Variants in NLGN4Y observed in about 807,000 individuals in gnomAD.
The protein encoded by NLGN4Y is neuroligin-4, Y-linked.
Under a neutral mutation model 8.4 loss-of-function variants are expected in NLGN4Y, and 4 were observed. That is an observed-to-expected ratio of 0.48 (90% CI 0.23 to 1.09). NLGN4Y has a LOEUF of 1.09. Ranked by LOEUF, NLGN4Y falls within the 50% of genes least tolerant of loss-of-function variation. The pLI is 0.19. For synonymous variants in NLGN4Y, 35 were observed against 75.6 expected, an observed-to-expected ratio of 0.46 and a Z score of 2.78; for missense variants, 90 against 192.3, an observed-to-expected ratio of 0.47 and a Z score of 3.15.
chrY:14,652,741 T>C, intron 2 of NLGN4Y, among the ~76,000 whole-genome samples: 1 of 33,104 alleles, frequency 3.0e-5, no homozygotes, highest in African/African-American at 1.2e-4. Flanking sequence ...GTATTTATTC[T>C]GTTTTCTCTT....
intron 5 of NLGN4Y, among the ~76,000 whole-genome samples, chrY:14,825,939 AGTGGTG>A (rs2043143807): frequency 1.5e-4 from 5 of 33,512 alleles, no homozygotes; most frequent in Non-Finnish European, 2.9e-4. Flanking sequence ...ATGCTGCCTA[AGTGGTG>A]GTCAGCATAG....
intron 4 of NLGN4Y, among the ~76,000 whole-genome samples, chrY:14,783,334 A>G: frequency 3.0e-5 from 1 of 33,348 alleles, no homozygotes; most frequent in Non-Finnish European, 7.4e-5. Flanking sequence ...ATTTTGCAAC[A>G]TATATTCTAA....
chrY:14,536,339 C>G, intron 1 of NLGN4Y, among the ~76,000 whole-genome samples: 1 of 26,386 alleles, frequency 3.8e-5, no homozygotes, highest in Non-Finnish European at 8.7e-5. Context: ...CTCCGCCTCC[C>G]GGGTTCATGC....
At chrY:14,544,420 C>A (rs2080161340) in intron 1 of NLGN4Y, among the ~76,000 whole-genome samples, 2 of 33,289 alleles carry the variant, frequency 6.0e-5, no homozygotes, top group Non-Finnish European at 1.5e-4. Flanking sequence ...ACCATGCATA[C>A]AACATCTTTT....
chrY:14,623,455 A>G (rs2080517869), intron 2 of NLGN4Y, among the ~76,000 whole-genome samples: 1 of 33,909 alleles, frequency 2.9e-5, no homozygotes, highest in Non-Finnish European at 7.3e-5. Flanking sequence ...AAAGGACAAC[A>G]GAGAACAAAA....
At position 14,686,632 on chromosome Y, in the gene NLGN4Y, G is replaced by T. The variant is rs772243919; in HGVS notation, c.473-32827G>T. ...ATATATGATGTAATAAATGTCCCCT[G>T]GGTATCTCAGCCTTGTATACTCTGG... On this transcript the variant is annotated intron_variant, in intron 2 of 6. Transcript: ENST00000684976. Among the ~76,000 whole-genome samples the T allele has an allele frequency of 1.9e-4, 6 of 32,046 alleles. No homozygotes were observed. In the East Asian group the frequency reaches 5.1e-3, roughly 27 times the overall value. 86.0% of individuals were successfully genotyped at this position (32,046 alleles called of 37,273 possible). A position where few individuals can be genotyped will look rare whatever the true frequency, so the allele number is the denominator to read the frequency against.
chrY:14,630,768 C>T, intron 2 of NLGN4Y, among the ~76,000 whole-genome samples: 1 of 33,432 alleles, frequency 3.0e-5, no homozygotes, highest in African/African-American at 1.2e-4. Flanking sequence ...TTTCTGTCTT[C>T]CTCAAGAATG....
chrY:14,699,721 T>A (rs2150543003), intron 2 of NLGN4Y, among the ~76,000 whole-genome samples: 1 of 32,442 alleles, frequency 3.1e-5, no homozygotes, highest in South Asian at 6.9e-4. Context: ...ATGAAAGAAA[T>A]GAAATCATTA....
intron 4 of NLGN4Y, among the ~76,000 whole-genome samples, chrY:14,770,112 C>T (rs2081103282): frequency 3.0e-5 from 1 of 33,536 alleles, no homozygotes; most frequent in Non-Finnish European, 7.4e-5. Context: ...AAAGGGACAG[C>T]AGTGGGCACA....
At chrY:14,840,294 G>C in intron 6 of NLGN4Y, 119 bp from the exon 7 acceptor site, 1 of 217,077 alleles carries the variant, frequency 4.6e-6, no homozygotes, top group Non-Finnish European at 7.6e-6. Flanking sequence ...GGTATTTTGT[G>C]CTCATTGATA....
intron 4 of NLGN4Y, among the ~76,000 whole-genome samples, chrY:14,761,421 G>A: frequency 2.9e-5 from 1 of 33,902 alleles, no homozygotes; most frequent in South Asian, 6.5e-4. Flanking sequence ...CTTACTGCAA[G>A]AGCAATGCAC....
intron 2 of NLGN4Y, among the ~76,000 whole-genome samples, chrY:14,685,995 A>G: frequency 3.1e-5 from 1 of 32,698 alleles, no homozygotes; most frequent in Non-Finnish European, 7.5e-5. Flanking sequence ...CTCATGGAGT[A>G]TTTACAGGGA....
intron 1 of NLGN4Y, among the ~76,000 whole-genome samples, chrY:14,543,817 G>A: frequency 3.0e-5 from 1 of 33,192 alleles, no homozygotes; most frequent in African/African-American, 1.2e-4. Flanking sequence ...GGTGTCAGAA[G>A]GTAGCTTTTG....
At chrY:14,741,446 A>G in intron 4 of NLGN4Y, among the ~76,000 whole-genome samples, 1 of 33,800 alleles carries the variant, frequency 3.0e-5, no homozygotes, top group Non-Finnish European at 7.4e-5. Flanking sequence ...ATGAGACTGC[A>G]TGAGTACAAA....
intron 1 of NLGN4Y, among the ~76,000 whole-genome samples, chrY:14,579,808 G>T (rs2080310031): frequency 3.1e-5 from 1 of 32,120 alleles, no homozygotes; most frequent in Non-Finnish European, 7.6e-5. Context: ...AATATATCAA[G>T]AAAAAATAGC....
chrY:14,572,577 A>C (rs767722484), intron 1 of NLGN4Y, among the ~76,000 whole-genome samples: 11 of 32,965 alleles, frequency 3.3e-4, no homozygotes, highest in African/African-American at 1.3e-3. Context: ...TTCCTAATCG[A>C]ATACCCTTTA....
chrY:14,685,272 T>C, intron 2 of NLGN4Y, among the ~76,000 whole-genome samples: 2 of 33,372 alleles, frequency 6.0e-5, no homozygotes. Context: ...TCCATTCTTT[T>C]GTCATCCTCT....
chrY:14,612,164 T>C (rs2080472006), intron 1 of NLGN4Y, among the ~76,000 whole-genome samples: 1 of 33,665 alleles, frequency 3.0e-5, no homozygotes, highest in Non-Finnish European at 7.4e-5. Flanking sequence ...TTCTCTAAAC[T>C]GGTTATTCTA....
At chrY:14,672,491 C>T in intron 2 of NLGN4Y, among the ~76,000 whole-genome samples, 1 of 22,122 alleles carries the variant, frequency 4.5e-5, no homozygotes, top group Non-Finnish European at 9.8e-5. Flanking sequence ...TGCCACTGCA[C>T]GCCAGCCTGG....
Sources: allele counts gnomAD v4.1 joint callset (sites outside exome capture counted in the v4.1 genomes callset), GRCh38; gene constraint gnomAD v4.1.1; transcripts MANE v1.5; gene names NCBI Gene and HGNC (gene_info 2026-07-23, HGNC 2026-07-21).